Variants in PDZD2 observed in about 807,000 individuals in gnomAD.
PDZD2 encodes the protein PDZ domain-containing protein 2.
PDZD2 carries 90 observed loss-of-function variants against 220.7 expected under a neutral mutation model. The observed-to-expected ratio is 0.41, with a 90% CI of 0.34 to 0.49. The LOEUF is 0.49. PDZD2 is among the 20% of genes least tolerant of loss of function. The pLI, the probability that PDZD2 is intolerant of heterozygous loss-of-function variation, is 0.28. For synonymous variants in PDZD2, 1,375 were observed against 1,450.5 expected, an observed-to-expected ratio of 0.95 and a Z score of 1.18; for missense variants, 3,174 against 3,608.5, an observed-to-expected ratio of 0.88 and a Z score of 3.08.
intron 10 of PDZD2, among the ~76,000 whole-genome samples, chr5:32,055,070 A>G (rs1738968850): frequency 6.6e-6 from 1 of 152,220 alleles, no homozygotes. Flanking sequence ...TTTTGATAGA[A>G]TATCTAGAAT....
chr5:31,999,899 C>T (rs546568911), intron 4 of PDZD2, among the ~76,000 whole-genome samples: 32 of 152,130 alleles, frequency 2.1e-4, no homozygotes, highest in Non-Finnish European at 3.2e-4. Flanking sequence ...CCAGGTAGGC[C>T]GGTGACCTTA....
intron 10 of PDZD2, among the ~76,000 whole-genome samples, 166 bp downstream of exon 10, chr5:32,054,049 G>A (rs1738847882): frequency 6.6e-6 from 1 of 152,152 alleles, no homozygotes; most frequent in Non-Finnish European, 1.5e-5. Context: ...TGTAAACTTG[G>A]AATATTAACA....
chr5:31,988,283 T>A (rs6878827), intron 3 of PDZD2, among the ~76,000 whole-genome samples: 1 of 152,194 alleles, frequency 6.6e-6, no homozygotes, highest in Non-Finnish European at 1.5e-5. Context: ...ATTATCTGAT[T>A]CCTGGTTAAC....
At chr5:32,069,687 G>A (rs752429252) in intron 15 of PDZD2, 37 bp downstream of exon 15, 1 of 1,043,948 alleles carries the variant, frequency 9.6e-7, no homozygotes, top group Non-Finnish European at 1.5e-6. Context: ...ACATTCAGAA[G>A]AGTTTCTCAT....
chr5:31,669,138 G>A (rs2150116847), intron 1 of PDZD2, among the ~76,000 whole-genome samples: 1 of 152,262 alleles, frequency 6.6e-6, no homozygotes, highest in South Asian at 2.1e-4. Context: ...GGCCATGCGT[G>A]TTGCTTTATG....
intron 23 of PDZD2, chr5:32,100,541 C>T (rs1744157786): frequency 3.1e-6 from 1 of 324,498 alleles, no homozygotes; most frequent in African/African-American, 2.2e-5. Context: ...CAGCCATAGC[C>T]AGGGGCAGGG....
chr5:31,898,651 T>C (rs543203571), intron 2 of PDZD2, among the ~76,000 whole-genome samples: 9 of 152,072 alleles, frequency 5.9e-5, no homozygotes, highest in Non-Finnish European at 8.8e-5. Flanking sequence ...TGCTTGCACA[T>C]AGTGTGTGGA....
chr5:31,930,489 G>A (rs1309137991), intron 2 of PDZD2, among the ~76,000 whole-genome samples: 4 of 151,966 alleles, frequency 2.6e-5, no homozygotes, highest in South Asian at 2.1e-4. Context: ...GTGAGCCACC[G>A]CGTCCGGCCA....
At chr5:32,031,329 CTAGT>C (rs942678389) in intron 6 of PDZD2, among the ~76,000 whole-genome samples, 2 of 152,210 alleles carry the variant, frequency 1.3e-5, no homozygotes, top group Admixed American at 6.5e-5. Flanking sequence ...CCCTTTTTCT[CTAGT>C]TAGTCATCAT....
chr5:32,090,879 G>A lies in PDZD2; in HGVS notation c.7431G>A (p.Val2477=). 1 of 1,614,024 alleles carries A rather than the reference G, an allele frequency of 6.2e-7. No homozygotes were observed. The highest frequency in any genetic ancestry group is 8.5e-7 in the Non-Finnish European group (1 of 1,180,032). The change falls in exon 20 of 25, where the codon GTG becomes GTA. Residue 2477 remains valine (V), a synonymous_variant. Coordinates refer to ENST00000438447, the MANE Select transcript of PDZD2 (RefSeq NM_178140.4). The surrounding 1 kb of genome is among the most constrained non-coding windows in gnomAD (Gnocchi z 4.3). ...SSVRHTQPSP[V]SRSKLQELRA... is the part of the protein sequence containing the mutation. ...TACGCCACACGCAGCCCTCGCCCGT[G>A]TCCCGCTCCAAGCTCCAGGAGCTGA...
chr5:31,696,991 T>A (rs1747406450), intron 1 of PDZD2, among the ~76,000 whole-genome samples: 1 of 152,204 alleles, frequency 6.6e-6, no homozygotes, highest in African/African-American at 2.4e-5. Context: ...TGCCAGAGAC[T>A]TCAGAACAGG....
intron 2 of PDZD2, among the ~76,000 whole-genome samples, chr5:31,946,851 C>A (rs146738797): frequency 1.3e-5 from 2 of 152,202 alleles, no homozygotes; most frequent in East Asian, 3.8e-4. Flanking sequence ...CAGATACACA[C>A]CACCACTGGC....
chr5:32,038,322 G>A (rs1188431648), intron 7 of PDZD2, among the ~76,000 whole-genome samples: 1 of 150,744 alleles, frequency 6.6e-6, no homozygotes, highest in Non-Finnish European at 1.5e-5. Flanking sequence ...GAGGTCAGGA[G>A]ATCAAGGCTA....
At chr5:31,902,381 A>G (rs1041471917) in intron 2 of PDZD2, among the ~76,000 whole-genome samples, 12 of 151,222 alleles carry the variant, frequency 7.9e-5, no homozygotes, top group Admixed American at 7.9e-4. Context: ...CCATTTTTGT[A>G]TATCTTCTTT....
intron 1 of PDZD2, among the ~76,000 whole-genome samples, chr5:31,641,726 T>C (rs1580504644): frequency 6.6e-6 from 1 of 152,084 alleles, no homozygotes; most frequent in Non-Finnish European, 1.5e-5. Flanking sequence ...TGGGCTCAAG[T>C]GATCCTGGTG....
At chr5:31,877,808 C>A (rs1402589998) in intron 2 of PDZD2, among the ~76,000 whole-genome samples, 1 of 152,070 alleles carries the variant, frequency 6.6e-6, no homozygotes, top group Non-Finnish European at 1.5e-5. Flanking sequence ...TCCTACCTCA[C>A]CCTCCCGAGC....
chr5:31,698,366 T>C (rs805206), intron 1 of PDZD2, among the ~76,000 whole-genome samples: 65,706 of 147,010 alleles, frequency 0.45, 15,282 homozygotes, highest in East Asian at 0.62. Flanking sequence ...GAGGCCGAGG[T>C]GGGCGGATCA....
chr5:32,026,062 C>G (rs1754636629), intron 6 of PDZD2, among the ~76,000 whole-genome samples: 1 of 152,064 alleles, frequency 6.6e-6, no homozygotes. Context: ...TTGGATTTGA[C>G]TCTGCTGCTG....
At chr5:31,736,628 G>C (rs1019208359) in intron 1 of PDZD2, among the ~76,000 whole-genome samples, 16 of 152,194 alleles carry the variant, frequency 1.1e-4, no homozygotes, top group Admixed American at 2.0e-4. Flanking sequence ...TTGGCGAGGG[G>C]AAGTGGCTTG....
Sources: gnomAD v4.1 joint callset for allele counts (sites outside exome capture counted in the v4.1 genomes callset) on GRCh38, gnomAD v4.1.1 for gene constraint, Gnocchi (gnomAD v3.1) non-coding constraint, MANE v1.5 for transcripts, NCBI Gene and HGNC (gene_info 2026-07-23, HGNC 2026-07-21) for gene names.